PCDH9: variants seen among roughly 807,000 people sequenced by gnomAD.
PCDH9 encodes the protein protocadherin-9.
Under a neutral mutation model 70.6 loss-of-function variants are expected in PCDH9, and 24 were observed. The ratio of observed to expected loss-of-function variants is 0.34; its 90% CI spans 0.25 to 0.48. PCDH9 has a LOEUF of 0.48. PCDH9 is among the 20% of genes least tolerant of loss of function. The pLI is 0.99. For synonymous variants in PCDH9, 562 were observed against 558.5 expected (o/e 1.01, Z -0.09); for missense variants, 1,281 against 1,503.6 (o/e 0.85, Z 2.45).
At chr13:66,832,990 A>G (rs1224530295) in intron 3 of PCDH9, among the ~76,000 whole-genome samples, 1 of 152,148 alleles carries the variant, frequency 6.6e-6, no homozygotes, top group South Asian at 2.1e-4. Context: ...ACCTCTTCAC[A>G]TCATAACAGA....
At position 66,518,593 on chromosome 13, in the gene PCDH9, T is replaced by A. The variant is rs551376831; in HGVS notation, c.3340+112617A>T. On this transcript the variant is annotated intron_variant, in intron 4 of 4. Coordinates refer to ENST00000377865, the MANE Select transcript of PCDH9 (RefSeq NM_203487.3). ...CTGATAAGCAAGGATTAAAAGGATA[T>A]ACTTTGGAAAATTCAAATATTTTGT... 2.0e-5 allele frequency among the ~76,000 whole-genome samples: 3 copies of A among 152,258 alleles called. No individual in the cohort carries two copies. The East Asian group carries it at 5.8e-4, about 29-fold the overall frequency.
chr13:66,484,278 C>G (rs1958899041), intron 4 of PCDH9, among the ~76,000 whole-genome samples: 3 of 152,014 alleles, frequency 2.0e-5, no homozygotes, highest in Non-Finnish European at 2.9e-5. Flanking sequence ...CACCTTGAGA[C>G]ACACGTCCAC....
chr13:67,000,141 A>C (rs982665808), intron 2 of PCDH9, among the ~76,000 whole-genome samples: 1 of 152,146 alleles, frequency 6.6e-6, no homozygotes, highest in Non-Finnish European at 1.5e-5. Flanking sequence ...ACCATGGAAT[A>C]CTATGCAGCC....
chr13:66,830,996 A>G (rs1172943729), intron 3 of PCDH9, among the ~76,000 whole-genome samples: 1 of 152,230 alleles, frequency 6.6e-6, no homozygotes, highest in African/African-American at 2.4e-5. Flanking sequence ...TGCAGTTATT[A>G]AAAATATCCC....
At chr13:66,389,170 T>C (rs1018499961) in intron 4 of PCDH9, among the ~76,000 whole-genome samples, 1 of 152,188 alleles carries the variant, frequency 6.6e-6, no homozygotes, top group Non-Finnish European at 1.5e-5. Flanking sequence ...CGATTTCAAA[T>C]CTTAGCATCT....
At chr13:66,824,494 A>G (rs1343130477) in intron 3 of PCDH9, among the ~76,000 whole-genome samples, 1 of 149,074 alleles carries the variant, frequency 6.7e-6, no homozygotes, top group Admixed American at 6.7e-5. Flanking sequence ...CGTCTCTACT[A>G]AAAATACAAA....
intron 4 of PCDH9, among the ~76,000 whole-genome samples, chr13:66,462,663 T>C (rs1022957054): frequency 2.0e-5 from 3 of 151,844 alleles, no homozygotes; most frequent in Non-Finnish European, 2.9e-5. Context: ...AATTCTAATA[T>C]GCAGAGTAGC....
At chr13:66,734,172 T>C (rs578154670) in intron 3 of PCDH9, among the ~76,000 whole-genome samples, 6 of 152,270 alleles carry the variant, frequency 3.9e-5, no homozygotes, top group Middle Eastern at 3.4e-3. Context: ...TTTAAGCATG[T>C]GGGCATTTAA....
At chr13:66,379,668 T>G (rs1255525327) in intron 4 of PCDH9, among the ~76,000 whole-genome samples, 1 of 152,184 alleles carries the variant, frequency 6.6e-6, no homozygotes, top group Non-Finnish European at 1.5e-5. Context: ...TGTATTACCC[T>G]GGCATTCATT....
chr13:66,971,653 T>A (rs1437284001), intron 2 of PCDH9, among the ~76,000 whole-genome samples: 1 of 151,970 alleles, frequency 6.6e-6, no homozygotes, highest in Non-Finnish European at 1.5e-5. Context: ...GCAAATCTAA[T>A]GCACACTGGA....
At chr13:66,797,877 A>G (rs760380731) in intron 3 of PCDH9, among the ~76,000 whole-genome samples, 62 of 151,930 alleles carry the variant, frequency 4.1e-4, no homozygotes, top group Non-Finnish European at 3.8e-4. Context: ...TCATCTACCA[A>G]TCTTATCTGA....
intron 2 of PCDH9, among the ~76,000 whole-genome samples, chr13:67,167,978 T>G (rs1853786165): frequency 6.6e-6 from 1 of 152,164 alleles, no homozygotes; most frequent in Admixed American, 6.5e-5. Flanking sequence ...TGAGGACACA[T>G]GCCCACTATT....
At chr13:66,504,736 G>A (rs1959194989) in intron 4 of PCDH9, among the ~76,000 whole-genome samples, 1 of 152,150 alleles carries the variant, frequency 6.6e-6, no homozygotes, top group South Asian at 2.1e-4. Flanking sequence ...CTGGATAAAG[G>A]GGTGGATTGA....
In PCDH9 at chr13:66,375,677, C is replaced by G. The variant is rs1021931174; in HGVS notation, c.3341-70649G>C. ...GGCAGAAGTAAGAAAGTGCATATAA[C>G]AAATTGATGATATTTTATAACCATG... On this transcript the variant is annotated intron_variant, in intron 4 of 4. Transcript: ENST00000377865. Among the ~76,000 whole-genome samples the G allele has an allele frequency of 2.6e-5, 4 of 151,984 alleles. No individual in the cohort carries two copies. The East Asian group carries it at 7.7e-4, about 29-fold the overall frequency.
intron 3 of PCDH9, among the ~76,000 whole-genome samples, chr13:66,823,171 T>C (rs1295396481): frequency 2.0e-5 from 3 of 152,080 alleles, no homozygotes; most frequent in African/African-American, 4.8e-5. Flanking sequence ...AAGTTGTACA[T>C]ATTAGAGAAT....
chr13:66,964,283 C>A (rs1342235823), intron 2 of PCDH9, among the ~76,000 whole-genome samples: 2 of 151,590 alleles, frequency 1.3e-5, no homozygotes, highest in Non-Finnish European at 2.9e-5. Context: ...ATATTTGTTA[C>A]TTCCTCTAAG....
At position 66,543,966 on chromosome 13, in the gene PCDH9, G is replaced by T. The variant is rs191341768; in HGVS notation, c.3340+87244C>A. 3.0e-3 allele frequency among the ~76,000 whole-genome samples: 457 copies of T among 152,242 alleles called. 2 individuals are homozygous for T. The highest frequency in any genetic ancestry group is 0.011 in the African/African-American group (441 of 41,550). ...CTCTAGAGGGCCATCTACTGAGTCT[G>T]AACAGCTCCTTACTGCCCAGTGGTT... is the stretch of plus-strand genomic sequence containing the variant. On this transcript the variant is annotated intron_variant, in intron 4 of 4. Transcript: ENST00000377865.
At chr13:66,664,976 C>G (rs572623321) in intron 3 of PCDH9, among the ~76,000 whole-genome samples, 1 of 152,262 alleles carries the variant, frequency 6.6e-6, no homozygotes, top group Non-Finnish European at 1.5e-5. Flanking sequence ...ATGCAGTCTA[C>G]TTACACAAGC....
At chr13:66,634,920 T>A (rs1049059090) in intron 3 of PCDH9, among the ~76,000 whole-genome samples, 3 of 152,170 alleles carry the variant, frequency 2.0e-5, no homozygotes, top group Middle Eastern at 3.4e-3. Flanking sequence ...GCTCTTAGTG[T>A]GGGGTGGGAA....
Sources: gnomAD v4.1 joint callset for allele counts (sites outside exome capture counted in the v4.1 genomes callset) on GRCh38, gnomAD v4.1.1 for gene constraint, MANE v1.5 for transcripts, NCBI Gene and HGNC (gene_info 2026-07-23, HGNC 2026-07-21) for gene names.